LYN: variants seen among roughly 807,000 people sequenced by gnomAD.
The protein encoded by LYN is LYN proto-oncogene, Src family tyrosine kinase.
Under a neutral mutation model 65.0 loss-of-function variants are expected in LYN, and 12 were observed. The observed-to-expected ratio is 0.18, with a 90% CI of 0.12 to 0.30. The LOEUF is 0.30. Among genes scored for constraint, LYN ranks in the 10% least tolerant of loss-of-function variants. The probability of loss-of-function intolerance (pLI) is 1.00; values close to 1 mark genes in which losing one functional copy is unlikely to be tolerated. For synonymous variants in LYN, 222 were observed against 221.2 expected, an observed-to-expected ratio of 1.00 and a Z score of -0.03; for missense variants, 380 against 623.2, an observed-to-expected ratio of 0.61 and a Z score of 4.16.
intron 1 of LYN, among the ~76,000 whole-genome samples, chr8:55,907,057 C>A (rs1039502982): frequency 6.6e-6 from 1 of 152,172 alleles, no homozygotes; most frequent in Non-Finnish European, 1.5e-5. Context: ...ACATCTACCT[C>A]ATGACCAAGG....
At chr8:55,892,026 T>G (rs144496336) in intron 1 of LYN, among the ~76,000 whole-genome samples, 3 of 152,368 alleles carry the variant, frequency 2.0e-5, no homozygotes, top group Non-Finnish European at 4.4e-5. Flanking sequence ...GAGAAACTTC[T>G]AACCATCAAA....
intron 10 of LYN, 74 bp downstream of exon 10, chr8:55,969,867 A>G (rs1807564764): frequency 7.9e-7 from 1 of 1,262,944 alleles, no homozygotes; most frequent in East Asian, 2.3e-5. Context: ...TGAAGGAGTT[A>G]TTGTTCCAGG....
chr8:55,958,895 T>C (rs1170852881), intron 8 of LYN, among the ~76,000 whole-genome samples: 2 of 152,242 alleles, frequency 1.3e-5, no homozygotes, highest in Non-Finnish European at 2.9e-5. Flanking sequence ...CTTTTGGCTA[T>C]TGTGAATTTG....
At chr8:55,950,877 A>G (rs1365548474) in intron 6 of LYN, 93 bp downstream of exon 6, 1 of 870,410 alleles carries the variant, frequency 1.1e-6, no homozygotes, top group Non-Finnish European at 1.9e-6. Context: ...AAAAGGGCAT[A>G]TAGTATGCTC....
intron 10 of LYN, among the ~76,000 whole-genome samples, chr8:55,982,014 C>G (rs916896292): frequency 2.0e-5 from 3 of 152,182 alleles, no homozygotes; most frequent in African/African-American, 7.2e-5. Context: ...TCATGCAGGG[C>G]CTCTCGTGGC....
intron 8 of LYN, among the ~76,000 whole-genome samples, chr8:55,956,929 G>A (rs1807135357): frequency 6.6e-6 from 1 of 152,208 alleles, no homozygotes; most frequent in Non-Finnish European, 1.5e-5. Flanking sequence ...TACGGGCCCT[G>A]CTCTAAGTGT....
At chr8:55,987,188 G>A (rs910699642) in intron 10 of LYN, among the ~76,000 whole-genome samples, 6 of 151,940 alleles carry the variant, frequency 3.9e-5, no homozygotes, top group African/African-American at 9.7e-5. Context: ...TAAGGCAGGC[G>A]GATCACCTGA....
intron 10 of LYN, among the ~76,000 whole-genome samples, chr8:55,996,199 G>A (rs896489989): frequency 4.2e-4 from 64 of 152,284 alleles, no homozygotes; most frequent in African/African-American, 1.5e-3. Flanking sequence ...GATGGTTTTT[G>A]TACACATTGA....
At chr8:56,009,850 C>T in intron 12 of LYN, 58 bp from the exon 13 acceptor site, 2 of 1,430,316 alleles carry the variant, frequency 1.4e-6, no homozygotes, top group Admixed American at 1.7e-5. Context: ...GTGCTTGACC[C>T]TCTGCCAGGT....
At chr8:55,914,138 G>C (rs1805719250) in intron 1 of LYN, among the ~76,000 whole-genome samples, 1 of 151,934 alleles carries the variant, frequency 6.6e-6, no homozygotes, top group Non-Finnish European at 1.5e-5. Context: ...GAGAGAGAAA[G>C]AAGAGGGAAT....
intron 8 of LYN, among the ~76,000 whole-genome samples, chr8:55,961,543 A>G (rs925655411): frequency 6.6e-6 from 1 of 152,058 alleles, no homozygotes; most frequent in Non-Finnish European, 1.5e-5. Flanking sequence ...TGCTTTATCT[A>G]CCACTCACCT....
chr8:55,938,987 A>G (rs1356048467), intron 1 of LYN, among the ~76,000 whole-genome samples: 2 of 152,236 alleles, frequency 1.3e-5, no homozygotes, highest in African/African-American at 4.8e-5. Flanking sequence ...TCAATATATT[A>G]TAAATGTGTA....
intron 7 of LYN, 79 bp from the exon 8 acceptor site, chr8:55,953,753 T>A: frequency 1.6e-6 from 2 of 1,248,880 alleles, no homozygotes; most frequent in East Asian, 2.5e-5. Context: ...ATAAGGCTAG[T>A]GTTCAACTTT....
rs546599670 is a variant in LYN at position 56,013,270 on chromosome 8, CTT to C, written c.*3175_*3176del. 34 of 104,768 alleles carry C rather than the reference CTT, an allele frequency of 3.2e-4. No homozygotes were observed. The highest frequency in any genetic ancestry group is 6.1e-4 in the East Asian group (3 of 4,884). The allele number at this position is 104,768 out of a possible 1,614,324, so 6.5% of individuals were successfully genotyped here. On this transcript the variant is annotated 3_prime_UTR_variant, in exon 13 of 13. Transcript: ENST00000519728. Reference sequence around the variant, plus strand: ...TGTGGAGTCTGCTTTCTCGCTCTCTCTTTTTTTTTTTTTTTTGACAGAGTCTC... The same window carrying C: ...TGTGGAGTCTGCTTTCTCGCTCTCTCTTTTTTTTTTTTTTGACAGAGTCTC...
Position 55,998,353 on chromosome 8 carries a change from A to G in LYN, c.1058A>G (p.Glu353Gly). The G allele has an allele frequency of 6.2e-7, 1 of 1,605,760 alleles. No homozygotes were observed. Among genetic ancestry groups the G allele is most frequent in the Non-Finnish European group, 8.5e-7 (1 of 1,172,776 alleles). The part of the protein sequence containing the change: ...KLIDFSAQIA[E>G]GMAYIERKNY... The stretch of plus-strand genomic sequence containing the variant: ...GCCTATTTCTGTTTTCAGATTGCAG[A>G]GGGAATGGCATACATCGAGCGGAAG... Residue 353 changes from glutamate (E) to glycine (G), a missense_variant, in exon 11 of 13, where the codon GAG (glutamate) becomes GGG (glycine). Coordinates refer to ENST00000519728, the MANE Select transcript of LYN (RefSeq NM_002350.4).
chr8:55,940,617 G>A (rs530759967), intron 1 of LYN, among the ~76,000 whole-genome samples: 3 of 152,250 alleles, frequency 2.0e-5, no homozygotes, highest in South Asian at 2.1e-4. Context: ...CTCGTGATCC[G>A]CCTTCCTTGG....
intron 10 of LYN, among the ~76,000 whole-genome samples, chr8:55,984,233 C>T (rs752897167): frequency 2.0e-4 from 31 of 152,138 alleles, no homozygotes; most frequent in Admixed American, 5.9e-4. Context: ...TCCGGGTGGT[C>T]GTGAGTTTTG....
At chr8:55,881,049 G>GT (rs1252512132) in intron 1 of LYN, among the ~76,000 whole-genome samples, 1 of 152,170 alleles carries the variant, frequency 6.6e-6, no homozygotes, top group Non-Finnish European at 1.5e-5. Flanking sequence ...GAAATTCCCT[G>GT]TTTGAGTTTC....
intron 1 of LYN, among the ~76,000 whole-genome samples, chr8:55,932,592 T>G (rs549061500): frequency 1.2e-4 from 18 of 152,292 alleles, no homozygotes; most frequent in African/African-American, 4.1e-4. Flanking sequence ...GGCTAATTTT[T>G]GTATTTTTAG....
Sources: allele counts gnomAD v4.1 joint callset (sites outside exome capture counted in the v4.1 genomes callset), GRCh38; gene constraint gnomAD v4.1.1; transcripts MANE v1.5; gene names NCBI Gene and HGNC (gene_info 2026-07-23, HGNC 2026-07-21).